Variants in ALDH7A1 observed in about 807,000 individuals in gnomAD.
ALDH7A1 encodes alpha-aminoadipic semialdehyde dehydrogenase.
In ALDH7A1, 63 loss-of-function variants were observed where a neutral mutation model predicts 79.9. The observed-to-expected ratio is 0.79, with a 90% CI of 0.64 to 0.97. The LOEUF (loss-of-function observed/expected upper bound fraction) is 0.97. Ranked by LOEUF, ALDH7A1 falls within the 50% of genes least tolerant of loss-of-function variation. ALDH7A1 has a pLI of 0.00. For missense variants in ALDH7A1, 627 were observed against 665.2 expected, an observed-to-expected ratio of 0.94 and a Z score of 0.63; for synonymous variants, 240 against 231.2, an observed-to-expected ratio of 1.04 and a Z score of -0.34.
intron 11 of ALDH7A1, among the ~76,000 whole-genome samples, chr5:126,558,305 G>A (rs1387365497): frequency 2.0e-5 from 3 of 151,430 alleles, no homozygotes; most frequent in Admixed American, 6.6e-5. Flanking sequence ...CTCAATCTAA[G>A]TGTAGAGATT....
intron 1 of ALDH7A1, chr5:126,594,438 A>ATTTTTTTT (rs34684581): frequency 1.6e-5 from 3 of 185,680 alleles, no homozygotes; most frequent in Non-Finnish European, 2.1e-5. Context: ...TAAGGTTTTA[A>ATTTTTTTT]TTTTTTTTTT....
chr5:126,546,333 C>T lies in ALDH7A1; in HGVS notation c.1556G>A (p.Arg519Lys), dbSNP rs561343926. 37 of 1,614,172 alleles carry T rather than the reference C, an allele frequency of 2.3e-5. No homozygotes were observed. The South Asian group carries it at 3.6e-4, about 16-fold the overall frequency. Residue 519 changes from arginine (R) to lysine (K), a missense_variant, in exon 17 of 18, where the codon AGG (arginine) becomes AAG (lysine). By Grantham distance (26) the Arg-to-Lys change is conservative. Transcript: ENST00000409134. ...GSDAWKQYMR[R>K]STCTINYSKD... ...CAAAGCCTTTTCTTACCAAGTAGAC[C>T]TTCTCATGTACTGTTTCCAGGCATC...
rs1750105840 is a variant in ALDH7A1, at chr5:126,554,346, A to G, written c.1141T>C (p.Phe381Leu). ...PLHTKQAVSM[F>L]LGAVEEAKKE... ...TTTGCTTCTTCCACTGCTCCAAGAA[A>G]CATGCTCACTGCCTGCTTGGTGTGG... Residue 381 changes from phenylalanine to leucine, a missense_variant, in exon 13 of 18, where the codon TTT (phenylalanine) becomes CTT (leucine). Phe to Leu is a conservative substitution (Grantham distance 22). Transcript: ENST00000409134. The G allele has an allele frequency of 1.2e-6, 2 of 1,614,092 alleles. No homozygotes were observed. Among genetic ancestry groups the G allele is most frequent in the African/African-American group, 2.7e-5 (2 of 75,010 alleles).
chr5:126,547,154 C>G (rs1250526310), intron 16 of ALDH7A1, among the ~76,000 whole-genome samples: 2 of 152,246 alleles, frequency 1.3e-5, no homozygotes, highest in African/African-American at 2.4e-5. Context: ...GGCTGAGCAC[C>G]TGCCTGAGGT....
chr5:126,551,760 T>C (rs1403266301), intron 14 of ALDH7A1, among the ~76,000 whole-genome samples: 1 of 152,192 alleles, frequency 6.6e-6, no homozygotes. Flanking sequence ...AGGATTAAGA[T>C]GACACAGGAA....
At chr5:126,558,676 ATCATGCCT>A (rs1032988281) in intron 11 of ALDH7A1, among the ~76,000 whole-genome samples, 6 of 152,038 alleles carry the variant, frequency 3.9e-5, no homozygotes, top group African/African-American at 1.4e-4. Context: ...AGCATGAGCC[ATCATGCCT>A]TGCTAATTTT....
intron 8 of ALDH7A1, chr5:126,568,558 C>T (rs1394259729): frequency 1.9e-5 from 11 of 584,910 alleles, no homozygotes; most frequent in Non-Finnish European, 1.8e-5. Context: ...AAGAGGCTAA[C>T]CTGCTGTGAG....
chr5:126,549,757 CTA>C lies in ALDH7A1; in HGVS notation c.1489+170_1489+171del, dbSNP rs1247822833. The C allele has an allele frequency of 8.5e-6, 6 of 709,906 alleles. No homozygotes were observed. The East Asian group carries it at 1.6e-4, about 19-fold the overall frequency. 44.0% of individuals were successfully genotyped at this position (709,906 alleles called of 1,614,324 possible). A position where few individuals can be genotyped will look rare whatever the true frequency, so the allele number is the denominator to read the frequency against. Reference sequence around the variant, plus strand: ...GCCTCTGAGGAGATGACGCAGGACTCTATGCGATAACTTTGAATACAGAATGT... The same window carrying C: ...GCCTCTGAGGAGATGACGCAGGACTCTGCGATAACTTTGAATACAGAATGT... On this transcript the variant is annotated intron_variant, in intron 16 of 17. Transcript: ENST00000409134.
chr5:126,595,191 C>G lies in ALDH7A1; in HGVS notation c.8G>C (p.Arg3Pro), dbSNP rs759866910. 1.9e-6 allele frequency: 3 copies of G among 1,552,054 alleles called. No individual in the cohort carries two copies. In the South Asian group the frequency reaches 3.6e-5, roughly 18 times the overall value. Residue 3 changes from arginine to proline, a missense_variant, in exon 1 of 18, where the codon CGC becomes CCC. Physicochemically the swap from Arg to Pro is moderately radical, Grantham distance 103. Transcript: ENST00000409134. MW[R>P]LPRALCVHAA... ...GTGCACACACAGCGCGCGAGGAAGG[C>G]GCCACATACTGAGCCCGGGACTCGG...
At chr5:126,552,987 CCA>C (rs548862796) in intron 13 of ALDH7A1, among the ~76,000 whole-genome samples, 82 of 152,256 alleles carry the variant, frequency 5.4e-4, no homozygotes, top group Non-Finnish European at 1.6e-4. Flanking sequence ...AGCAATCCTC[CCA>C]CCACAGCCTC....
Position 126,550,205 on chromosome 5 carries a change from C to A in ALDH7A1, c.1406G>T (p.Arg469Leu), listed in dbSNP as rs147940248. The change falls in exon 15 of 18, where the codon CGC becomes CTC. Residue 469 changes from arginine (R) to leucine (L), a missense_variant. Physicochemically the swap from Arg to Leu is moderately radical, Grantham distance 102. Transcript: ENST00000409134. ...ATAGACAAAGTTGTACCCAAGCCAGCGAAAGATTCTGCCCAGATCTTTGGT... is the reference window on the plus strand; with the variant it reads ...ATAGACAAAGTTGTACCCAAGCCAGAGAAAGATTCTGCCCAGATCTTTGGT... ...IFTKDLGRIF[R>L]WLGPKGSDCG... 6.2e-7 allele frequency: 1 copy of A among 1,612,372 alleles called. No homozygotes were observed. Among genetic ancestry groups the A allele is most frequent in the African/African-American group, 1.3e-5 (1 of 74,866 alleles).
Position 126,595,020 on chromosome 5 carries a change from C to A in ALDH7A1, c.179G>T (p.Gly60Val). 6.2e-7 allele frequency: 1 copy of A among 1,605,062 alleles called. No homozygotes were observed. Among genetic ancestry groups the A allele is most frequent in the South Asian group, 1.1e-5 (1 of 89,340 alleles). ...ENEGVYNGSW[G>V]GRGEVITTYC... ...GCGCCCGCGTACCTCTCCCCGGCCT[C>A]CCCAGCTTCCATTATACACGCCCTC... The change falls in exon 1 of 18, where the codon GGA becomes GTA. Residue 60 changes from glycine (G) to valine (V), a missense_variant. Gly to Val is a moderately radical substitution (Grantham distance 109). Transcript: ENST00000409134.
intron 12 of ALDH7A1, chr5:126,555,564 T>G: frequency 1.2e-5 from 2 of 171,866 alleles, no homozygotes; most frequent in Non-Finnish European, 1.2e-5. Context: ...AGCAGGAGAG[T>G]GAATTATCTG....
At chr5:126,579,950 T>C (rs1268729394) in intron 5 of ALDH7A1, 1 of 166,938 alleles carries the variant, frequency 6.0e-6, no homozygotes, top group Non-Finnish European at 1.5e-5. Flanking sequence ...ACAGATCCTA[T>C]CTCAAATAAA....
In ALDH7A1 at chr5:126,555,943, T is replaced by C; in HGVS notation, c.1081A>G (p.Asn361Asp). Residue 361 changes from asparagine (N) to aspartate (D), a missense_variant, in exon 12 of 18, where the codon AAC becomes GAC. Coordinates refer to ENST00000409134, the MANE Select transcript of ALDH7A1 (RefSeq NM_001182.5). ...KKAYAQIRVG[N>D]PWDPNVLYGP... ...AGGAGATACTCACGGTCCCATGGGT[T>C]CCCAACTCGGATCTGTGCATAGGCC... is the stretch of plus-strand genomic sequence containing the variant. The C allele has an allele frequency of 6.2e-7, 1 of 1,613,126 alleles. No homozygotes were observed.
At chr5:126,583,602 G>A (rs375988080) in intron 4 of ALDH7A1, among the ~76,000 whole-genome samples, 4 of 151,072 alleles carry the variant, frequency 2.6e-5, no homozygotes, top group East Asian at 2.0e-4. Context: ...TTGAGAGGCC[G>A]AGGCAGGCAG....
At chr5:126,577,700 G>A (rs1240800828) in intron 5 of ALDH7A1, among the ~76,000 whole-genome samples, 1 of 151,984 alleles carries the variant, frequency 6.6e-6, no homozygotes, top group Non-Finnish European at 1.5e-5. Flanking sequence ...CTGAGTAGCT[G>A]GGATTACAGG....
intron 5 of ALDH7A1, among the ~76,000 whole-genome samples, chr5:126,580,589 T>A (rs575613163): frequency 1.1e-4 from 17 of 149,772 alleles, no homozygotes; most frequent in Middle Eastern, 3.4e-3. Flanking sequence ...GAGAAAAATA[T>A]GATTTTTTAA....
chr5:126,584,084 G>T, intron 3 of ALDH7A1, 72 bp from the exon 4 acceptor site: 1 of 1,267,064 alleles, frequency 7.9e-7, no homozygotes, highest in Non-Finnish European at 1.2e-6. Context: ...TATTGGATGT[G>T]TGCTGTAAAA....
Sources: gnomAD v4.1 joint callset for allele counts (sites outside exome capture counted in the v4.1 genomes callset) on GRCh38, gnomAD v4.1.1 for gene constraint, MANE v1.5 for transcripts, NCBI Gene and HGNC (gene_info 2026-07-23, HGNC 2026-07-21) for gene names.